The following NCALD variants were observed in gnomAD, a reference collection of about 807,000 sequenced individuals.
NCALD encodes neurocalcin-delta.
Under a neutral mutation model 18.6 loss-of-function variants are expected in NCALD, and 10 were observed. The ratio of observed to expected loss-of-function variants is 0.54; its 90% confidence interval spans 0.33 to 0.91. The LOEUF (loss-of-function observed/expected upper bound fraction) is 0.91, where lower values mean the gene tolerates loss of function less well. Among genes scored for constraint, NCALD ranks in the 40% least tolerant of loss-of-function variants. The pLI is 0.03. For synonymous variants in NCALD, 88 were observed against 87.4 expected, an observed-to-expected ratio of 1.01 and a Z score of -0.04; for missense variants, 184 against 247.6, an observed-to-expected ratio of 0.74 and a Z score of 1.72.
At chr8:101,958,525 C>T (rs775860162) in intron 2 of NCALD, among the ~76,000 whole-genome samples, 5 of 152,082 alleles carry the variant, frequency 3.3e-5, no homozygotes, top group Admixed American at 2.0e-4. Flanking sequence ...GTTTTACCTG[C>T]TTACGAAATA....
chr8:101,991,582 G>A (rs533946552), intron 2 of NCALD, among the ~76,000 whole-genome samples: 25 of 152,228 alleles, frequency 1.6e-4, no homozygotes, highest in South Asian at 1.0e-3. Context: ...GCAAGTAAAA[G>A]GCAAGAAAGT....
chr8:101,729,565 C>T (rs1374369352), intron 1 of NCALD, among the ~76,000 whole-genome samples: 1 of 152,108 alleles, frequency 6.6e-6, no homozygotes, highest in Admixed American at 6.5e-5. Flanking sequence ...CAGCCACACA[C>T]CTTGTTCTCA....
intron 1 of NCALD, among the ~76,000 whole-genome samples, chr8:102,082,912 T>G (rs1824599834): frequency 6.6e-6 from 1 of 152,182 alleles, no homozygotes; most frequent in African/African-American, 2.4e-5. Flanking sequence ...ACTCAAATAA[T>G]TTGCCAGTCC....
chr8:101,881,739 G>GA (rs1816500659), intron 4 of NCALD, among the ~76,000 whole-genome samples: 1 of 152,196 alleles, frequency 6.6e-6, no homozygotes, highest in South Asian at 2.1e-4. Flanking sequence ...AAGGCTCCCA[G>GA]AAAAACATAT....
chr8:101,737,709 G>C (rs1809990278), intron 1 of NCALD, among the ~76,000 whole-genome samples: 1 of 152,186 alleles, frequency 6.6e-6, no homozygotes, highest in Non-Finnish European at 1.5e-5. Context: ...AGTCTTCCTT[G>C]GTGTTTAGGT....
At chr8:101,904,974 A>T (rs1408049992) in intron 3 of NCALD, among the ~76,000 whole-genome samples, 3 of 152,214 alleles carry the variant, frequency 2.0e-5, no homozygotes, top group Non-Finnish European at 4.4e-5. Context: ...CCACAATCAA[A>T]GGTGGCCACA....
At chr8:101,699,090 C>A (rs113251649) in intron 2 of NCALD, among the ~76,000 whole-genome samples, 10 of 131,824 alleles carry the variant, frequency 7.6e-5, no homozygotes, top group Non-Finnish European at 1.1e-4. Context: ...AAAAAAAAAA[C>A]CATCAAAAAG....
At chr8:101,875,698 G>A (rs1048279896) in intron 4 of NCALD, among the ~76,000 whole-genome samples, 15 of 152,186 alleles carry the variant, frequency 9.9e-5, no homozygotes, top group Non-Finnish European at 2.1e-4. Flanking sequence ...CAAAGCAAAA[G>A]CAAAGCCAAG....
intron 1 of NCALD, among the ~76,000 whole-genome samples, chr8:102,062,142 G>A (rs959114380): frequency 1.3e-5 from 2 of 152,176 alleles, no homozygotes; most frequent in African/African-American, 2.4e-5. Flanking sequence ...AGTGGCTCAC[G>A]CCTGTAATCC....
Position 101,862,834 on chromosome 8 carries a change from C to T in NCALD, c.-20+24307G>A, listed in dbSNP as rs529966401. Among the ~76,000 whole-genome samples the T allele has an allele frequency of 5.1e-4, 78 of 152,300 alleles. No homozygotes were observed. In the Middle Eastern group the frequency reaches 0.01, roughly 20 times the overall value. ...ATTTTTCCAGCTTTCTCTGACAGCT[C>T]ACTCCCTTTTAAAAAGGCATTATTA... On this transcript the variant is annotated intron_variant, in intron 4 of 6. Transcript: ENST00000311028.
At chr8:102,102,444 C>G (rs1377445573) in intron 1 of NCALD, among the ~76,000 whole-genome samples, 3 of 152,210 alleles carry the variant, frequency 2.0e-5, no homozygotes, top group Non-Finnish European at 4.4e-5. Flanking sequence ...CTTGTTATGG[C>G]ACATGCGTCA....
At chr8:101,839,853 G>C (rs1051348376) in intron 4 of NCALD, among the ~76,000 whole-genome samples, 3 of 152,124 alleles carry the variant, frequency 2.0e-5, no homozygotes, top group Non-Finnish European at 4.4e-5. Context: ...TGGGAAGCAT[G>C]TGTTAGGTTC....
intron 1 of NCALD, among the ~76,000 whole-genome samples, chr8:101,772,410 G>C (rs1586462519): frequency 6.6e-6 from 1 of 152,178 alleles, no homozygotes. Flanking sequence ...TATCTTCCTA[G>C]TGGCAAACAC....
At chr8:101,777,040 A>G (rs1811822336) in intron 1 of NCALD, among the ~76,000 whole-genome samples, 1 of 152,138 alleles carries the variant, frequency 6.6e-6, no homozygotes, top group Non-Finnish European at 1.5e-5. Flanking sequence ...CCCAAAAGAC[A>G]TGTCCCAGTT....
At chr8:101,807,071 A>G (rs1813129888) in intron 4 of NCALD, among the ~76,000 whole-genome samples, 1 of 152,100 alleles carries the variant, frequency 6.6e-6, no homozygotes, top group Admixed American at 6.6e-5. Context: ...TATCTTTCAA[A>G]AATGAAGGCA....
At chr8:101,747,469 A>G (rs1273753910) in intron 1 of NCALD, among the ~76,000 whole-genome samples, 1 of 152,174 alleles carries the variant, frequency 6.6e-6, no homozygotes, top group Middle Eastern at 3.2e-3. Flanking sequence ...TGTGAGAAAG[A>G]CAGATAGAAA....
At chr8:101,800,508 G>A (rs1464878097) in intron 4 of NCALD, among the ~76,000 whole-genome samples, 1 of 151,816 alleles carries the variant, frequency 6.6e-6, no homozygotes, top group Non-Finnish European at 1.5e-5. Flanking sequence ...TAAGATTAAA[G>A]ATGTAATCTT....
intron 2 of NCALD, among the ~76,000 whole-genome samples, chr8:101,704,271 T>G (rs1396267426): frequency 6.6e-6 from 1 of 151,992 alleles, no homozygotes; most frequent in Non-Finnish European, 1.5e-5. Flanking sequence ...TTTAGTGGAG[T>G]GGTTCATGAT....
chr8:101,931,101 T>A (rs895041001), intron 2 of NCALD, among the ~76,000 whole-genome samples: 2 of 152,200 alleles, frequency 1.3e-5, no homozygotes, highest in African/African-American at 4.8e-5. Flanking sequence ...CGTGGACCAC[T>A]CCATTGACTT....
Sources: gnomAD v4.1 joint callset for allele counts (sites outside exome capture counted in the v4.1 genomes callset) on GRCh38, gnomAD v4.1.1 for gene constraint, MANE v1.5 for transcripts, NCBI Gene and HGNC (gene_info 2026-07-23, HGNC 2026-07-21) for gene names.